Variants in EML2 observed in about 807,000 individuals in gnomAD.
EML2 encodes the protein EMAP like 2.
Under a neutral mutation model 84.7 loss-of-function variants are expected in EML2, and 59 were observed. That is an observed-to-expected ratio of 0.70 (90% CI 0.56 to 0.86). The LOEUF is 0.86. Among genes scored for constraint, EML2 ranks in the 40% least tolerant of loss-of-function variants. The pLI is 0.00. For missense variants in EML2, 818 were observed against 855.6 expected, an observed-to-expected ratio of 0.96 and a Z score of 0.55; for synonymous variants, 352 against 348.9, an observed-to-expected ratio of 1.01 and a Z score of -0.10.
At chr19:45,621,785 C>T in intron 9 of EML2, 148 bp from the exon 10 acceptor site, 1 of 957,422 alleles carries the variant, frequency 1.0e-6, no homozygotes, top group Non-Finnish European at 1.5e-6. Context: ...CTCTCTGTTG[C>T]CCAGGCTGGA....
At chr19:45,624,597 G>C (rs941653039) in intron 9 of EML2, 122 bp downstream of exon 9, 1 of 693,066 alleles carries the variant, frequency 1.4e-6, no homozygotes, top group Non-Finnish European at 2.5e-6. Context: ...CCTTGACGAG[G>C]GTGTTGGAAT....
chr19:45,619,087 G>A lies in EML2; in HGVS notation c.1227C>T (p.His409=). 6.2e-7 allele frequency: 1 copy of A among 1,613,394 alleles called. No individual in the cohort carries two copies. Among genetic ancestry groups the A allele is most frequent in the South Asian group, 1.1e-5 (1 of 91,026 alleles). ...CGATGATCCTGCTCCACAGGGGCTG[G>A]TGGGAATCTGAGCTCCATAGATGCA... ...KLVHLWSSDS[H]QPLWSRIIED... The change falls in exon 12 of 19, where the codon CAC becomes CAT. Residue 409 remains histidine, a synonymous_variant. Transcript: ENST00000245925.
At chr19:45,624,111 C>T (rs989047475) in intron 9 of EML2, among the ~76,000 whole-genome samples, 5 of 152,224 alleles carry the variant, frequency 3.3e-5, no homozygotes, top group African/African-American at 1.2e-4. Context: ...ATCTGTTCTT[C>T]ATAACACATT....
intron 4 of EML2, among the ~76,000 whole-genome samples, chr19:45,634,000 G>C (rs1374584925): frequency 6.6e-6 from 1 of 152,152 alleles, no homozygotes; most frequent in East Asian, 1.9e-4. Flanking sequence ...ACCCAGGCTG[G>C]AGTGTGGTGG....
intron 1 of EML2, 194 bp downstream of exon 1, chr19:45,639,163 A>G: frequency 1.5e-6 from 1 of 669,860 alleles, no homozygotes; most frequent in Non-Finnish European, 2.5e-6. Context: ...CCTAATCAGC[A>G]AGGTGCTCCC....
rs1054216733 is a variant in EML2 at position 45,639,170 on chromosome 19, TC to T, written c.20+186del. On this transcript the variant is annotated intron_variant, in intron 1 of 18. Coordinates refer to ENST00000245925, the MANE Select transcript of EML2 (RefSeq NM_012155.4). ...CCTTCCCTCCTAATCAGCAAGGTGC[TC>T]CCCAGCGCCCCCCACCCGCAGTTCC... The T allele has an allele frequency of 2.2e-4, 152 of 687,512 alleles. 1 individual carries two copies. The highest frequency in any genetic ancestry group is 2.2e-3 in the African/African-American group (118 of 54,418). The allele number at this position is 687,512 out of a possible 1,614,324, so 42.6% of individuals were successfully genotyped here.
chr19:45,615,924 A>G (rs1315228432), intron 15 of EML2, 35 bp from the exon 16 acceptor site: 3 of 1,538,020 alleles, frequency 2.0e-6, no homozygotes, highest in Non-Finnish European at 2.7e-6. Context: ...TTAGAGCTGC[A>G]GAGGGCGGAA....
intron 11 of EML2, among the ~76,000 whole-genome samples, chr19:45,620,357 G>A (rs1312990627): frequency 6.6e-6 from 1 of 152,002 alleles, no homozygotes; most frequent in African/African-American, 2.4e-5. Flanking sequence ...CAAGTGATCT[G>A]CCTGCCTCGG....
chr19:45,615,986 G>A (rs1425912531), intron 15 of EML2, 97 bp from the exon 16 acceptor site: 3 of 887,264 alleles, frequency 3.4e-6, no homozygotes, highest in Non-Finnish European at 5.5e-6. Context: ...CAAATACAGA[G>A]GTAGGGCGAG....
At position 45,614,344 on chromosome 19, in the gene EML2, C is replaced by T. The variant is rs369578733; in HGVS notation, c.1693+261G>A. Among the ~76,000 whole-genome samples, 4 of 152,332 alleles carry T rather than the reference C, an allele frequency of 2.6e-5. No homozygotes were observed. The East Asian group carries it at 5.8e-4, about 22-fold the overall frequency. Reference sequence around the variant, plus strand: ...TCAGGGAATATGTGTTTGCTTCATTCGTGCCTGAATGAATGGGTGGCTAGG... The same window carrying T: ...TCAGGGAATATGTGTTTGCTTCATTTGTGCCTGAATGAATGGGTGGCTAGG... On this transcript the variant is annotated intron_variant, in intron 17 of 18. Transcript: ENST00000245925.
upstream of EML2, chr19:45,641,924 C>T: frequency 4.2e-6 from 6 of 1,441,620 alleles, no homozygotes; most frequent in Non-Finnish European, 5.4e-6. Flanking sequence ...TTACCTGCGC[C>T]CGGAGGTCGC....
intron 18 of EML2, 99 bp downstream of exon 18, chr19:45,613,442 A>G: frequency 7.0e-7 from 1 of 1,435,374 alleles, no homozygotes; most frequent in South Asian, 1.3e-5. Context: ...GGGGAAACCG[A>G]GGCTCAGAGA....
intron 16 of EML2, among the ~76,000 whole-genome samples, 160 bp downstream of exon 16, chr19:45,615,642 A>G (rs935192285): frequency 6.6e-6 from 1 of 152,084 alleles, no homozygotes; most frequent in African/African-American, 2.4e-5. Flanking sequence ...GGGGTATACC[A>G]GGGAGAAAAT....
Position 45,621,471 on chromosome 19 carries a change from G to T in EML2, c.996+12C>A. The T allele has an allele frequency of 6.2e-7, 1 of 1,606,708 alleles. No individual in the cohort carries two copies. ...CTCTCTACCCCCATCTGAGCCCACT[G>T]CCCCTCCTCACCTCCACTTCCTGCA... is the stretch of plus-strand genomic sequence containing the variant. On this transcript the variant is annotated intron_variant, in intron 10 of 18. Coordinates refer to ENST00000245925, the MANE Select transcript of EML2 (RefSeq NM_012155.4).
chr19:45,611,775 A>G (rs1418851295), intron 18 of EML2, among the ~76,000 whole-genome samples: 2 of 152,158 alleles, frequency 1.3e-5, no homozygotes, highest in Admixed American at 1.3e-4. Flanking sequence ...GGCGTGAGCC[A>G]CCGGGCCTGG....
chr19:45,632,097 G>C (rs926061852), intron 6 of EML2, among the ~76,000 whole-genome samples: 3 of 151,062 alleles, frequency 2.0e-5, no homozygotes, highest in African/African-American at 7.3e-5. Context: ...GTTTCACCAT[G>C]TTGGCCAGGC....
In EML2 at chr19:45,638,607, C is replaced by T; in HGVS notation, c.77G>A (p.Arg26Lys). ...GATCATCATGGGCACAGGGCGGCCC[C>T]TCAGGAACATTTTCACGGAGCCATC... ...VEDGSVKMFL[R>K]GRPVPMMIPD... The change falls in exon 3 of 19, where the codon AGG (arginine) becomes AAG (lysine). Residue 26 changes from arginine to lysine, a missense_variant. Physicochemically the swap from Arg to Lys is conservative, Grantham distance 26. Coordinates refer to ENST00000245925, the MANE Select transcript of EML2 (RefSeq NM_012155.4). 6.2e-7 allele frequency: 1 copy of T among 1,614,088 alleles called. No individual in the cohort carries two copies. The highest frequency in any genetic ancestry group is 8.5e-7 in the Non-Finnish European group (1 of 1,180,018).
chr19:45,617,920 C>T (rs950380177), intron 12 of EML2, among the ~76,000 whole-genome samples: 2 of 152,182 alleles, frequency 1.3e-5, no homozygotes, highest in African/African-American at 2.4e-5. Context: ...ACTCCTGTCC[C>T]GGGATCCCTC....
chr19:45,638,946 A>T, intron 1 of EML2, 73 bp from the exon 2 acceptor site: 1 of 1,556,982 alleles, frequency 6.4e-7, no homozygotes, highest in Non-Finnish European at 8.8e-7. Flanking sequence ...CCATTCCTCC[A>T]CCCCCACCGC....
Sources: allele counts gnomAD v4.1 joint callset (sites outside exome capture counted in the v4.1 genomes callset), GRCh38; gene constraint gnomAD v4.1.1; transcripts MANE v1.5; gene names NCBI Gene and HGNC (gene_info 2026-07-23, HGNC 2026-07-21).